The following PCDH9 variants were observed in gnomAD, a reference collection of about 807,000 sequenced individuals.
PCDH9 encodes the protein protocadherin-9.
Under a neutral mutation model 70.6 loss-of-function variants are expected in PCDH9, and 24 were observed. That is an observed-to-expected ratio of 0.34 (90% confidence interval 0.25 to 0.48). The LOEUF is 0.48. Among genes scored for constraint, PCDH9 ranks in the 20% least tolerant of loss-of-function variants. The pLI is 0.99. For missense variants in PCDH9, 1,281 were observed against 1,503.6 expected (o/e 0.85, Z 2.45); for synonymous variants, 562 against 558.5 (o/e 1.01, Z -0.09).
intron 4 of PCDH9, among the ~76,000 whole-genome samples, chr13:66,565,793 T>G (rs946046158): frequency 1.4e-4 from 21 of 152,188 alleles, no homozygotes; most frequent in Non-Finnish European, 2.8e-4. Flanking sequence ...TCAACAACAT[T>G]GGTCTGTTAG....
At chr13:66,903,658 C>A in intron 2 of PCDH9, 53 bp from the exon 3 acceptor site, 1 of 744,932 alleles carries the variant, frequency 1.3e-6, no homozygotes, top group Non-Finnish European at 2.4e-6. Flanking sequence ...TTAGAGTGTC[C>A]ATTGAGAGAC....
chr13:67,165,443 A>C (rs2088085289), intron 2 of PCDH9, among the ~76,000 whole-genome samples: 1 of 152,146 alleles, frequency 6.6e-6, no homozygotes, highest in Non-Finnish European at 1.5e-5. Flanking sequence ...ATGGGTGCAT[A>C]ATGTACTATT....
rs551487961 is a variant in PCDH9, at chr13:66,558,597, C to T, written c.3340+72613G>A. ...ACAGAAATTTTTTTAAAAAACCTTTCCTTCCTCTCTGAAACTTTCAGAAAG... is the reference window on the plus strand; with the variant it reads ...ACAGAAATTTTTTTAAAAAACCTTTTCTTCCTCTCTGAAACTTTCAGAAAG... On this transcript the variant is annotated intron_variant, in intron 4 of 4. Coordinates refer to ENST00000377865, the MANE Select transcript of PCDH9 (RefSeq NM_203487.3). Among the ~76,000 whole-genome samples the T allele has an allele frequency of 3.3e-5, 5 of 152,096 alleles. No homozygotes were observed. In the South Asian group the frequency reaches 1.0e-3, roughly 32 times the overall value.
intron 4 of PCDH9, among the ~76,000 whole-genome samples, chr13:66,452,357 A>T (rs1958231077): frequency 6.6e-6 from 1 of 152,144 alleles, no homozygotes; most frequent in African/African-American, 2.4e-5. Context: ...CCCTCCAAAC[A>T]AACTCTATTT....
chr13:66,787,515 T>C (rs9571671), intron 3 of PCDH9, among the ~76,000 whole-genome samples: 48,613 of 150,548 alleles, frequency 0.32, 8,441 homozygotes, highest in East Asian at 0.43. Context: ...ACTAGGGAGG[T>C]TGAGGCAGGA....
rs1459585687 is a variant in PCDH9 at position 66,913,906 on chromosome 13, C to A, written c.3037-10301G>T. On this transcript the variant is annotated intron_variant, in intron 2 of 4. Coordinates refer to ENST00000377865, the MANE Select transcript of PCDH9 (RefSeq NM_203487.3). The stretch of plus-strand genomic sequence containing the variant: ...CTCATTTCCACATGTTTTTTTAATT[C>A]ACAAAGAGAAAAACACCATAATCAA... 1.1e-4 allele frequency among the ~76,000 whole-genome samples: 17 copies of A among 151,686 alleles called. No individual in the cohort carries two copies. In the Admixed American group the frequency reaches 1.1e-3, roughly 10 times the overall value.
At chr13:66,912,846 T>C (rs947861497) in intron 2 of PCDH9, among the ~76,000 whole-genome samples, 2 of 152,084 alleles carry the variant, frequency 1.3e-5, no homozygotes, top group African/African-American at 4.8e-5. Context: ...AGAATTATAA[T>C]TACATTTTGA....
At chr13:66,486,835 G>A (rs1322182619) in intron 4 of PCDH9, among the ~76,000 whole-genome samples, 2 of 152,146 alleles carry the variant, frequency 1.3e-5, no homozygotes, top group South Asian at 4.1e-4. Flanking sequence ...ATATGAGACA[G>A]GTACTGACAA....
chr13:67,014,071 A>G (rs2139846004), intron 2 of PCDH9, among the ~76,000 whole-genome samples: 1 of 152,214 alleles, frequency 6.6e-6, no homozygotes, highest in African/African-American at 2.4e-5. Flanking sequence ...TTTCCCATTC[A>G]AATATGAAAC....
intron 2 of PCDH9, among the ~76,000 whole-genome samples, chr13:67,010,540 A>G (rs2084433834): frequency 6.6e-6 from 1 of 151,974 alleles, no homozygotes; most frequent in African/African-American, 2.4e-5. Context: ...AGACTGATAC[A>G]TGCCAGCTAA....
chr13:66,607,458 A>T (rs908849120), intron 4 of PCDH9, among the ~76,000 whole-genome samples: 1 of 152,088 alleles, frequency 6.6e-6, no homozygotes, highest in African/African-American at 2.4e-5. Context: ...CAGTCTTCTG[A>T]GTAAAACATT....
intron 4 of PCDH9, among the ~76,000 whole-genome samples, chr13:66,483,118 A>G (rs941612251): frequency 2.6e-5 from 4 of 152,222 alleles, no homozygotes; most frequent in Non-Finnish European, 4.4e-5. Flanking sequence ...AAAGTCTACA[A>G]TCTATTTTGG....
At chr13:66,895,676 G>T (rs2082166115) in intron 3 of PCDH9, among the ~76,000 whole-genome samples, 1 of 152,186 alleles carries the variant, frequency 6.6e-6, no homozygotes, top group African/African-American at 2.4e-5. Context: ...AAAAGAACTT[G>T]CAAGGCAGCT....
At position 67,225,861 on chromosome 13, in the gene PCDH9, G is replaced by A; in HGVS notation, c.2580C>T (p.Asn860=). Residue 860 remains asparagine (N), a synonymous_variant, in exon 2 of 5, where the codon AAC becomes AAT. Transcript: ENST00000377865. The part of the protein sequence containing the change: ...SKQGAEWMSP[N]QENKQNKKKK... ...TTTTCTTGTTTTGCTTGTTCTCCTG[G>A]TTTGGGGACATCCATTCGGCACCTT... is the stretch of plus-strand genomic sequence containing the variant. 2 of 1,613,970 alleles carry A rather than the reference G, an allele frequency of 1.2e-6. No individual in the cohort carries two copies. Among genetic ancestry groups the A allele is most frequent in the Non-Finnish European group, 1.7e-6 (2 of 1,179,976 alleles).
chr13:66,507,698 T>TTTTG (rs143044642), intron 4 of PCDH9, among the ~76,000 whole-genome samples: 7,169 of 149,524 alleles, frequency 0.048, 239 homozygotes, highest in East Asian at 0.19. Flanking sequence ...TTCCTTTCTT[T>TTTTG]TTTGTTTGTT....
At chr13:67,117,404 T>C (rs2086798962) in intron 2 of PCDH9, among the ~76,000 whole-genome samples, 1 of 152,144 alleles carries the variant, frequency 6.6e-6, no homozygotes, top group South Asian at 2.1e-4. Flanking sequence ...TCAAACTGCA[T>C]ATCCAAGTGG....
chr13:67,032,242 C>T (rs1418092998), intron 2 of PCDH9, among the ~76,000 whole-genome samples: 1 of 152,152 alleles, frequency 6.6e-6, no homozygotes. Context: ...TTCCCGGGCT[C>T]AAGCCATCTT....
At chr13:66,703,466 T>A (rs2078672899) in intron 3 of PCDH9, among the ~76,000 whole-genome samples, 1 of 152,206 alleles carries the variant, frequency 6.6e-6, no homozygotes, top group African/African-American at 2.4e-5. Flanking sequence ...TTGTGTTACA[T>A]CCCTCAAACA....
chr13:66,604,752 G>A (rs1181130579), intron 4 of PCDH9, among the ~76,000 whole-genome samples: 2 of 151,706 alleles, frequency 1.3e-5, no homozygotes, highest in Non-Finnish European at 2.9e-5. Context: ...TCTTTTCAAC[G>A]CCATCATTCA....
Sources: gnomAD v4.1 joint callset for allele counts (sites outside exome capture counted in the v4.1 genomes callset) on GRCh38, gnomAD v4.1.1 for gene constraint, MANE v1.5 for transcripts, NCBI Gene and HGNC (gene_info 2026-07-23, HGNC 2026-07-21) for gene names.